Variants in RBFOX1 observed in about 807,000 individuals in gnomAD.
RBFOX1 encodes RNA binding fox-1 homolog 1.
In RBFOX1, 8 loss-of-function variants were observed where a neutral mutation model predicts 57.7. The ratio of observed to expected loss-of-function variants is 0.14; its 90% CI spans 0.08 to 0.25. RBFOX1 has a LOEUF of 0.25. RBFOX1 is among the 10% of genes least tolerant of loss of function. RBFOX1 has a pLI of 1.00. For missense variants in RBFOX1, 611 were observed against 548.5 expected (o/e 1.11, Z -1.14); for synonymous variants, 326 against 222.4 (o/e 1.47, Z -4.15).
At chr16:6,176,313 ATTTTTTTTTTTTT>A (rs34667158) in intron 1 of RBFOX1, among the ~76,000 whole-genome samples, 1 of 95,256 alleles carries the variant, frequency 1.0e-5, no homozygotes, top group African/African-American at 4.6e-5. Context: ...GCCTGACCAA[ATTTTTTTTTTTTT>A]TTTTTTTTTT....
intron 2 of RBFOX1, among the ~76,000 whole-genome samples, chr16:6,643,221 C>G (rs532382876): frequency 3.3e-5 from 5 of 152,184 alleles, no homozygotes; most frequent in Admixed American, 2.6e-4. Flanking sequence ...GAATTGGATA[C>G]TCTTGCATAG....
chr16:6,852,496 C>G (rs973869167), intron 3 of RBFOX1, among the ~76,000 whole-genome samples: 3 of 152,200 alleles, frequency 2.0e-5, no homozygotes, highest in Admixed American at 1.3e-4. Context: ...TGAGAACAGT[C>G]TTACAAGTAG....
chr16:6,778,594 CA>C (rs1189978641), intron 3 of RBFOX1, among the ~76,000 whole-genome samples: 1 of 152,058 alleles, frequency 6.6e-6, no homozygotes, highest in Non-Finnish European at 1.5e-5. Flanking sequence ...AACTGAAATC[CA>C]AACGAGGACT....
chr16:6,796,454 C>G (rs765393576), intron 3 of RBFOX1, among the ~76,000 whole-genome samples: 1 of 152,130 alleles, frequency 6.6e-6, no homozygotes, highest in Admixed American at 6.5e-5. Flanking sequence ...CCCCCACTGC[C>G]AAATCAACAC....
At chr16:7,026,864 A>G (rs376436048) in intron 3 of RBFOX1, among the ~76,000 whole-genome samples, 1 of 152,178 alleles carries the variant, frequency 6.6e-6, no homozygotes, top group African/African-American at 2.4e-5. Context: ...TGTATCTCCT[A>G]GTTGCAAGGG....
At chr16:7,222,423 G>C (rs886134594) in intron 4 of RBFOX1, among the ~76,000 whole-genome samples, 3 of 152,180 alleles carry the variant, frequency 2.0e-5, no homozygotes, top group African/African-American at 7.2e-5. Flanking sequence ...TGAACTGTTA[G>C]GGCATGTGGC....
chr16:6,946,493 C>A (rs1375181139), intron 3 of RBFOX1, among the ~76,000 whole-genome samples: 1 of 152,180 alleles, frequency 6.6e-6, no homozygotes, highest in South Asian at 2.1e-4. Context: ...AGCCTGTTTT[C>A]TCCTCCTTGT....
At chr16:6,062,316 A>C (rs1003587270) in intron 1 of RBFOX1, among the ~76,000 whole-genome samples, 3 of 152,066 alleles carry the variant, frequency 2.0e-5, no homozygotes, top group Non-Finnish European at 4.4e-5. Context: ...CAAGAGGTCA[A>C]GAGGTAGGAC....
chr16:7,181,677 C>A (rs1421527893), intron 4 of RBFOX1, among the ~76,000 whole-genome samples: 9 of 152,098 alleles, frequency 5.9e-5, no homozygotes, highest in Admixed American at 2.0e-4. Flanking sequence ...ATTCGTGTGC[C>A]TCAGCCTCCC....
chr16:6,452,655 G>C (rs1269635615), intron 2 of RBFOX1, among the ~76,000 whole-genome samples: 1 of 152,194 alleles, frequency 6.6e-6, no homozygotes, highest in Non-Finnish European at 1.5e-5. Context: ...TAAGACAATA[G>C]GGATTGATGG....
chr16:7,509,561 A>T (rs1175841632), intron 4 of RBFOX1, among the ~76,000 whole-genome samples: 1 of 152,152 alleles, frequency 6.6e-6, no homozygotes, highest in Non-Finnish European at 1.5e-5. Context: ...GTATCACAAT[A>T]ACTTGTCTAA....
At chr16:5,583,742 T>G (rs1017972340) in intron 2 of RBFOX1, among the ~76,000 whole-genome samples, 2 of 152,232 alleles carry the variant, frequency 1.3e-5, no homozygotes, top group Admixed American at 6.5e-5. Context: ...GATTGTCCTA[T>G]GATGTAGGCT....
chr16:7,596,116 G>GT (rs1568008991), intron 8 of RBFOX1, among the ~76,000 whole-genome samples: 26 of 61,688 alleles, frequency 4.2e-4, no homozygotes, highest in African/African-American at 2.0e-3. Context: ...TTGTTTGTTT[G>GT]TTTTTTGTGG....
At chr16:6,688,299 A>G (rs1348414773) in intron 3 of RBFOX1, among the ~76,000 whole-genome samples, 1 of 152,160 alleles carries the variant, frequency 6.6e-6, no homozygotes, top group Non-Finnish European at 1.5e-5. Flanking sequence ...CAGTATCATG[A>G]GACAGCACTA....
chr16:7,064,628 A>G (rs1211628099), intron 4 of RBFOX1, among the ~76,000 whole-genome samples: 1 of 152,170 alleles, frequency 6.6e-6, no homozygotes, highest in Non-Finnish European at 1.5e-5. Context: ...GGCCTCCAGC[A>G]CTGTGGGGAA....
intron 3 of RBFOX1, among the ~76,000 whole-genome samples, chr16:6,876,322 T>G (rs2061838042): frequency 6.6e-6 from 1 of 152,156 alleles, no homozygotes; most frequent in South Asian, 2.1e-4. Flanking sequence ...CAATGGACAA[T>G]GAATGACTTG....
rs144660917 is a variant in RBFOX1, at chr16:5,646,339, A to G, written c.318+47378A>G. 7.6e-3 allele frequency among the ~76,000 whole-genome samples: 1,155 copies of G among 151,814 alleles called. 13 individuals are homozygous for G. Among genetic ancestry groups the G allele is most frequent in the African/African-American group, 0.026 (1,079 of 41,426 alleles). ...TGTGTTGTGGAGATAGGGTCTCACTATGTTGCTCAGGCTGATCTCAACCTC... is the reference window on the plus strand; with the variant it reads ...TGTGTTGTGGAGATAGGGTCTCACTGTGTTGCTCAGGCTGATCTCAACCTC... On this transcript the variant is annotated intron_variant, in intron 3 of 19. Transcript: ENST00000641259.
chr16:6,004,030 A>C (rs1985619), intron 4 of RBFOX1, among the ~76,000 whole-genome samples: 1 of 152,070 alleles, frequency 6.6e-6, no homozygotes. Flanking sequence ...ATACAAGGTC[A>C]TGTTGCACGG....
At chr16:5,539,182 A>C (rs1597447205) in intron 2 of RBFOX1, among the ~76,000 whole-genome samples, 1 of 152,166 alleles carries the variant, frequency 6.6e-6, no homozygotes, top group South Asian at 2.1e-4. Flanking sequence ...GTGCTGGGAG[A>C]GAATGGGTCC....
Sources: allele counts gnomAD v4.1 joint callset (sites outside exome capture counted in the v4.1 genomes callset), GRCh38; gene constraint gnomAD v4.1.1; transcripts MANE v1.5; gene names NCBI Gene and HGNC (gene_info 2026-07-23, HGNC 2026-07-21).